The following SLC25A29 variants were observed in gnomAD, a reference collection of about 807,000 sequenced individuals.
The protein encoded by SLC25A29 is mitochondrial basic amino acids transporter.
In SLC25A29, 13 loss-of-function variants were observed where a neutral mutation model predicts 10.0. The observed-to-expected ratio is 1.30, with a 90% confidence interval of 0.85 to 2.07. The LOEUF (loss-of-function observed/expected upper bound fraction) is 2.07, where lower values mean the gene tolerates loss of function less well. Ranked by LOEUF, SLC25A29 falls within the 30% of genes most tolerant of loss-of-function variation. SLC25A29 has a pLI of 0.00. For missense variants in SLC25A29, 475 were observed against 447.6 expected (o/e 1.06, Z -0.55); for synonymous variants, 244 against 221.1 (o/e 1.10, Z -0.92).
At chr14:100,302,428 C>T (rs866781798) in intron 1 of SLC25A29, among the ~76,000 whole-genome samples, 4 of 150,454 alleles carry the variant, frequency 2.7e-5, no homozygotes, top group South Asian at 4.2e-4. Flanking sequence ...GGCGCGATCT[C>T]GGCTCACTGC....
chr14:100,286,721 TG>T (rs1159558498), downstream of SLC25A29, among the ~76,000 whole-genome samples: 1 of 152,112 alleles, frequency 6.6e-6, no homozygotes, highest in Non-Finnish European at 1.5e-5. Context: ...CGTGGGTAGG[TG>T]GGTACCATGA....
intron 1 of SLC25A29, chr14:100,299,126 T>C: frequency 7.2e-7 from 1 of 1,395,334 alleles, no homozygotes; most frequent in South Asian, 1.5e-5. Flanking sequence ...TCAGCACTGG[T>C]GTCCCATCTG....
intron 2 of SLC25A29, chr14:100,295,536 C>T: frequency 8.0e-7 from 1 of 1,242,610 alleles, no homozygotes; most frequent in Non-Finnish European, 1.0e-6. Flanking sequence ...CCTCCCTGTC[C>T]CCTGCTACGG....
intron 1 of SLC25A29, chr14:100,299,306 T>A (rs1892385044): frequency 9.8e-7 from 1 of 1,025,620 alleles, no homozygotes; most frequent in Non-Finnish European, 1.2e-6. Flanking sequence ...CAGATTTGAA[T>A]TTTCCCCCTG....
chr14:100,303,168 TA>T (rs1212843699), intron 1 of SLC25A29, among the ~76,000 whole-genome samples: 2 of 152,258 alleles, frequency 1.3e-5, no homozygotes, highest in Non-Finnish European at 2.9e-5. Context: ...TTCAGCTTTT[TA>T]ATTTTCTAAA....
Position 100,292,626 on chromosome 14 carries a change from G to A in SLC25A29, c.569C>T (p.Pro190Leu). 6.2e-6 allele frequency: 10 copies of A among 1,602,172 alleles called. No homozygotes were observed. The highest frequency in any genetic ancestry group is 8.5e-6 in the Non-Finnish European group (10 of 1,175,510). The change falls in exon 4 of 4, where the codon CCC becomes CTC. Residue 190 changes from proline (P) to leucine (L), a missense_variant. Coordinates refer to ENST00000359232, the MANE Select transcript of SLC25A29 (RefSeq NM_001039355.3). ...GCEPGDRLLV[P>L]KLLLAGGTSG... ...CGTACCGCCCGCCAACAGCAGCTTG[G>A]GCACCAGCAGGCGGTCGCCCGGCTC... is the stretch of plus-strand genomic sequence containing the variant.
chr14:100,284,699 C>T, the SLC25A29 span, among the ~76,000 whole-genome samples: 1 of 152,194 alleles, frequency 6.6e-6, no homozygotes, highest in Non-Finnish European at 1.5e-5. Context: ...CATTGCCCTA[C>T]TGGCACTGGC....
chr14:100,292,126 G>A lies in SLC25A29; in HGVS notation c.*157C>T, dbSNP rs774344884. ...GAACACTGAGGCAAGTGCAGTTCTC[G>A]GCCAAAACTACCCAGCTGATCAGCA... On this transcript the variant is annotated 3_prime_UTR_variant, in exon 4 of 4. Coordinates refer to ENST00000359232, the MANE Select transcript of SLC25A29 (RefSeq NM_001039355.3). 6.4e-6 allele frequency: 6 copies of A among 944,540 alleles called. No individual in the cohort carries two copies. Among genetic ancestry groups the A allele is most frequent in the Middle Eastern group, 2.1e-4 (1 of 4,762 alleles). The allele number at this position is 944,540 out of a possible 1,614,324, so 58.5% of individuals were successfully genotyped here.
chr14:100,303,615 GTGGGGCCGGCC>G (rs1892705804), intron 1 of SLC25A29, among the ~76,000 whole-genome samples: 1 of 152,224 alleles, frequency 6.6e-6, no homozygotes, highest in Non-Finnish European at 1.5e-5. Flanking sequence ...AGTGTGGGCT[GTGGGGCCGGCC>G]TCCATTGGAG....
chr14:100,294,176 A>G (rs751596367), intron 2 of SLC25A29: 5 of 152,226 alleles, frequency 3.3e-5, no homozygotes, highest in Non-Finnish European at 5.9e-5. Context: ...CTCTGCCAGT[A>G]GCCTCTCGTG....
downstream of SLC25A29, among the ~76,000 whole-genome samples, chr14:100,290,842 C>A (rs965649916): frequency 6.6e-6 from 1 of 152,266 alleles, no homozygotes; most frequent in African/African-American, 2.4e-5. Context: ...GTGCCCCTCA[C>A]CACAGGCCTC....
Position 100,293,275 on chromosome 14 carries a change from A to C in SLC25A29, c.162+19T>G. Reference sequence around the variant, plus strand: ...CCCCATCCTGTGCCTCCCGAGCCCCACCAGCCCAGGCCACTCACGCTCTCT... The same window carrying C: ...CCCCATCCTGTGCCTCCCGAGCCCCCCCAGCCCAGGCCACTCACGCTCTCT... On this transcript the variant is annotated intron_variant, in intron 3 of 3. Coordinates refer to ENST00000359232, the MANE Select transcript of SLC25A29 (RefSeq NM_001039355.3). 2 of 1,611,856 alleles carry C rather than the reference A, an allele frequency of 1.2e-6. No individual in the cohort carries two copies. The highest frequency in any genetic ancestry group is 1.7e-6 in the Non-Finnish European group (2 of 1,179,484).
the SLC25A29 span, among the ~76,000 whole-genome samples, chr14:100,282,965 T>G: frequency 6.6e-6 from 1 of 152,294 alleles, no homozygotes; most frequent in African/African-American, 2.4e-5. Context: ...GGATTTGGTC[T>G]CACACCAGCA....
downstream of SLC25A29, among the ~76,000 whole-genome samples, chr14:100,287,637 C>T (rs1274443774): frequency 5.9e-5 from 5 of 84,168 alleles, no homozygotes; most frequent in Admixed American, 6.8e-4. Flanking sequence ...CACCCCCCCC[C>T]TCCGAATTCC....
the SLC25A29 span, chr14:100,282,796 C>CT: frequency 3.9e-5 from 6 of 152,206 alleles, no homozygotes; most frequent in Non-Finnish European, 8.8e-5. Flanking sequence ...TTTTTAATGC[C>CT]TGTGGTTCTT....
chr14:100,299,489 C>T, intron 1 of SLC25A29: 1 of 986,896 alleles, frequency 1.0e-6, no homozygotes, highest in Non-Finnish European at 1.2e-6. Flanking sequence ...ACCTCCGTCC[C>T]CTTCCCTCAG....
downstream of SLC25A29, among the ~76,000 whole-genome samples, chr14:100,286,512 G>T (rs1195850821): frequency 6.7e-6 from 1 of 149,706 alleles, no homozygotes; most frequent in African/African-American, 2.5e-5. Flanking sequence ...TGGTGGGGGC[G>T]TCTGGCATTC....
Position 100,291,539 on chromosome 14 carries a change from G to A in SLC25A29, c.*744C>T, listed in dbSNP as rs890031358. The A allele has an allele frequency of 3.9e-5, 6 of 152,358 alleles. No individual in the cohort carries two copies. The highest frequency in any genetic ancestry group is 1.4e-4 in the African/African-American group (6 of 41,452). 9.4% of individuals were successfully genotyped at this position (152,358 alleles called of 1,614,324 possible). A position where few individuals can be genotyped will look rare whatever the true frequency, so the allele number is the denominator to read the frequency against. On this transcript the variant is annotated 3_prime_UTR_variant, in exon 4 of 4. Transcript: ENST00000359232. ...TGGACAGGCAGCCTGAGGCCCAGAGGCGGAAGGATTTCTCCTTGCCACAGC... is the reference window on the plus strand; with the variant it reads ...TGGACAGGCAGCCTGAGGCCCAGAGACGGAAGGATTTCTCCTTGCCACAGC...
In SLC25A29 at chr14:100,292,543, G is replaced by T; in HGVS notation, c.652C>A (p.Gln218Lys). ...GGGGCGCCCCGCAGTCCGTCCGCCT[G>T]CAGCCGCGACTTGACCACGTCCACA... ...YPVDVVKSRL[Q>K]ADGLRGAPRY... is the part of the protein sequence containing the mutation. The change falls in exon 4 of 4, where the codon CAG (glutamine) becomes AAG (lysine). Residue 218 changes from glutamine (Q) to lysine (K), a missense_variant. By Grantham distance (53) the Gln-to-Lys change is moderately conservative (BLOSUM62 1). Transcript: ENST00000359232. 1 of 1,599,060 alleles carries T rather than the reference G, an allele frequency of 6.3e-7. No homozygotes were observed. The highest frequency in any genetic ancestry group is 8.5e-7 in the Non-Finnish European group (1 of 1,173,876).
Sources: gnomAD v4.1 joint callset for allele counts (sites outside exome capture counted in the v4.1 genomes callset) on GRCh38, gnomAD v4.1.1 for gene constraint, MANE v1.5 for transcripts, NCBI Gene and HGNC (gene_info 2026-07-23, HGNC 2026-07-21) for gene names.